Variants in NRG1 observed in about 807,000 individuals in gnomAD.
NRG1 encodes neuregulin 1.
Under a neutral mutation model 63.8 loss-of-function variants are expected in NRG1, and 18 were observed. The observed-to-expected ratio is 0.28, with a 90% CI of 0.19 to 0.42. The LOEUF (loss-of-function observed/expected upper bound fraction) is 0.42, where lower values mean the gene tolerates loss of function less well. NRG1 is among the 10% of genes least tolerant of loss of function. The pLI, the probability that NRG1 is intolerant of heterozygous loss-of-function variation, is 1.00. For synonymous variants in NRG1, 302 were observed against 301.3 expected (o/e 1.00, Z -0.02); for missense variants, 762 against 814.7 (o/e 0.94, Z 0.79).
intron 1 of NRG1, among the ~76,000 whole-genome samples, chr8:32,104,562 T>C (rs1831012077): frequency 6.6e-6 from 1 of 152,220 alleles, no homozygotes; most frequent in Non-Finnish European, 1.5e-5. Context: ...TGTTTTAATT[T>C]TTCAAAACTT....
At chr8:32,407,294 T>TTATA (rs1226138188) in intron 1 of NRG1, among the ~76,000 whole-genome samples, 197 of 3,716 alleles carry the variant, frequency 0.053, 3 homozygotes, top group Admixed American at 0.077. Flanking sequence ...TATATATATA[T>TTATA]TATATATATA....
chr8:32,715,492 G>C (rs912717708), intron 5 of NRG1, among the ~76,000 whole-genome samples: 1 of 152,146 alleles, frequency 6.6e-6, no homozygotes, highest in South Asian at 2.1e-4. Flanking sequence ...TTTCTATTCA[G>C]AGACAATGCC....
chr8:31,797,085 A>G (rs904892111), intron 1 of NRG1, among the ~76,000 whole-genome samples: 1 of 152,146 alleles, frequency 6.6e-6, no homozygotes, highest in Non-Finnish European at 1.5e-5. Context: ...TTCTACCCCT[A>G]TTTCTGTGAT....
At chr8:32,440,365 C>T (rs1217051721) in intron 1 of NRG1, among the ~76,000 whole-genome samples, 3 of 152,030 alleles carry the variant, frequency 2.0e-5, no homozygotes, top group African/African-American at 7.2e-5. Context: ...TGTTTTGTTT[C>T]CCTAGCTGGT....
intron 1 of NRG1, among the ~76,000 whole-genome samples, chr8:31,863,751 A>G (rs1828689627): frequency 6.6e-6 from 1 of 152,084 alleles, no homozygotes; most frequent in Admixed American, 6.6e-5. Context: ...TAGCTCTTAC[A>G]TCAAATCTTC....
intron 1 of NRG1, among the ~76,000 whole-genome samples, chr8:32,520,410 C>T (rs1198333565): frequency 6.6e-6 from 1 of 151,908 alleles, no homozygotes; most frequent in Admixed American, 6.6e-5. Context: ...CCACCCGCCT[C>T]GGCTTCTCAA....
At chr8:31,647,847 A>G (rs1165788095) in intron 1 of NRG1, among the ~76,000 whole-genome samples, 2 of 152,188 alleles carry the variant, frequency 1.3e-5, no homozygotes, top group Admixed American at 6.5e-5. Context: ...CAGAAATTTT[A>G]TAAAACACCC....
intron 5 of NRG1, among the ~76,000 whole-genome samples, chr8:32,724,070 T>C (rs764630049): frequency 6.6e-6 from 1 of 152,252 alleles, no homozygotes; most frequent in Non-Finnish European, 1.5e-5. Flanking sequence ...ACCAACCTAA[T>C]AGTAAGTTTC....
At chr8:31,991,607 T>A (rs1019179055) in intron 1 of NRG1, among the ~76,000 whole-genome samples, 4 of 152,000 alleles carry the variant, frequency 2.6e-5, no homozygotes, top group Non-Finnish European at 5.9e-5. Context: ...AAGGTCACAT[T>A]CTGCTGGAAC....
intron 1 of NRG1, among the ~76,000 whole-genome samples, chr8:32,006,758 T>A (rs1167912537): frequency 6.6e-6 from 1 of 151,998 alleles, no homozygotes; most frequent in Non-Finnish European, 1.5e-5. Flanking sequence ...CTGAATGATC[T>A]TGAAAGTGGT....
intron 5 of NRG1, among the ~76,000 whole-genome samples, chr8:32,626,213 T>A (rs1849243972): frequency 6.7e-6 from 1 of 149,942 alleles, no homozygotes; most frequent in Admixed American, 6.6e-5. Flanking sequence ...GGAGGTGTAA[T>A]GATTGGGGGA....
At chr8:31,892,951 T>C (rs1316414571) in intron 1 of NRG1, among the ~76,000 whole-genome samples, 1 of 151,998 alleles carries the variant, frequency 6.6e-6, no homozygotes, top group Non-Finnish European at 1.5e-5. Flanking sequence ...TCTGGTAAGA[T>C]ATAATATGTG....
intron 2 of NRG1, among the ~76,000 whole-genome samples, chr8:32,603,845 T>C (rs2129539111): frequency 6.6e-6 from 1 of 152,308 alleles, no homozygotes; most frequent in Admixed American, 6.5e-5. Flanking sequence ...CCTCTGATGG[T>C]CTTTGCCCTC....
chr8:31,715,515 G>C (rs1812266135), intron 1 of NRG1, among the ~76,000 whole-genome samples: 1 of 152,070 alleles, frequency 6.6e-6, no homozygotes, highest in Non-Finnish European at 1.5e-5. Context: ...TAATATAATT[G>C]AATCAAAGAA....
intron 5 of NRG1, among the ~76,000 whole-genome samples, chr8:32,669,345 C>T (rs1488275732): frequency 6.6e-6 from 1 of 152,116 alleles, no homozygotes; most frequent in Non-Finnish European, 1.5e-5. Context: ...TTAGGGTTTT[C>T]GTTTTTGCTG....
At chr8:32,096,941 T>G (rs1307399926) in intron 1 of NRG1, among the ~76,000 whole-genome samples, 5 of 152,202 alleles carry the variant, frequency 3.3e-5, no homozygotes, top group Non-Finnish European at 4.4e-5. Context: ...TAGGACTTAT[T>G]TATTCCTTCT....
chr8:32,627,652 T>G (rs1386006074), intron 5 of NRG1, among the ~76,000 whole-genome samples: 1 of 152,202 alleles, frequency 6.6e-6, no homozygotes, highest in Non-Finnish European at 1.5e-5. Flanking sequence ...AGACTAGTTT[T>G]GTTTTTTAAT....
chr8:32,298,950 C>T (rs1359547280), intron 1 of NRG1, among the ~76,000 whole-genome samples: 1 of 142,316 alleles, frequency 7.0e-6, no homozygotes, highest in Non-Finnish European at 1.5e-5. Context: ...TTGCTTGAAC[C>T]AGGGAGTCAG....
chr8:32,652,991 T>G (rs1000866043), intron 5 of NRG1, among the ~76,000 whole-genome samples: 29 of 152,232 alleles, frequency 1.9e-4, no homozygotes, highest in African/African-American at 7.0e-4. Context: ...GGAATATAAC[T>G]TGTCCACAGA....
Sources: gnomAD v4.1 joint callset for allele counts (sites outside exome capture counted in the v4.1 genomes callset) on GRCh38, gnomAD v4.1.1 for gene constraint, MANE v1.5 for transcripts, NCBI Gene and HGNC (gene_info 2026-07-23, HGNC 2026-07-21) for gene names.